The following MARCHF7 variants were observed in gnomAD, a reference collection of about 807,000 sequenced individuals.
MARCHF7 encodes the protein membrane associated ring-CH-type finger 7, also known as E3 ubiquitin-protein ligase MARCHF7.
Under a neutral mutation model 76.5 loss-of-function variants are expected in MARCHF7, and 20 were observed. The ratio of observed to expected loss-of-function variants is 0.26; its 90% confidence interval spans 0.18 to 0.38. MARCHF7 has a LOEUF of 0.38. Among genes scored for constraint, MARCHF7 ranks in the 10% least tolerant of loss-of-function variants. The pLI, the probability that MARCHF7 is intolerant of heterozygous loss-of-function variation, is 1.00. For missense variants in MARCHF7, 797 were observed against 812.9 expected (o/e 0.98, Z 0.24); for synonymous variants, 295 against 293.0 (o/e 1.01, Z -0.07).
chr2:159,732,969 ATACATG>A (rs1702995654), intron 4 of MARCHF7: 1 of 975,724 alleles, frequency 1.0e-6, no homozygotes, highest in Non-Finnish European at 1.2e-6. Flanking sequence ...GAAAGAAAGA[ATACATG>A]TGAAGCACTT....
chr2:159,757,248 T>C (rs1706445645), intron 8 of MARCHF7, among the ~76,000 whole-genome samples: 1 of 152,148 alleles, frequency 6.6e-6, no homozygotes, highest in Non-Finnish European at 1.5e-5. Context: ...ATATGGCCAA[T>C]TGAATGTATA....
chr2:159,739,935 A>T (rs1703931930), intron 4 of MARCHF7, among the ~76,000 whole-genome samples: 1 of 152,184 alleles, frequency 6.6e-6, no homozygotes, highest in Non-Finnish European at 1.5e-5. Context: ...AAGTCTTTGG[A>T]CACTTCAGCA....
At chr2:159,738,661 T>A (rs1703756292) in intron 4 of MARCHF7, among the ~76,000 whole-genome samples, 1 of 152,120 alleles carries the variant, frequency 6.6e-6, no homozygotes, top group Non-Finnish European at 1.5e-5. Context: ...GACATCTGGC[T>A]GAGTCAGATT....
chr2:159,743,021 G>A (rs1239200471), intron 4 of MARCHF7, 40 bp from the exon 5 acceptor site: 1 of 1,549,422 alleles, frequency 6.5e-7, no homozygotes, highest in East Asian at 2.3e-5. Context: ...AGTACTGAAT[G>A]CAGCCTTTTG....
chr2:159,720,975 A>C (rs893008900), intron 3 of MARCHF7, among the ~76,000 whole-genome samples: 13 of 151,494 alleles, frequency 8.6e-5, no homozygotes, highest in Admixed American at 7.2e-4. Context: ...CTCCTGCCTT[A>C]GTCTCCGGAT....
intron 2 of MARCHF7, among the ~76,000 whole-genome samples, chr2:159,715,379 G>C (rs1455886839): frequency 1.3e-5 from 2 of 151,896 alleles, no homozygotes; most frequent in East Asian, 3.8e-4. Context: ...ATAATTTTGT[G>C]TGTGTGAGTG....
intron 4 of MARCHF7, among the ~76,000 whole-genome samples, chr2:159,740,558 G>T (rs144003793): frequency 8.5e-4 from 130 of 152,188 alleles, no homozygotes; most frequent in African/African-American, 2.9e-3. Context: ...GCAGGATAAG[G>T]TCCCTGATAC....
chr2:159,743,885 T>A (rs185621896), intron 5 of MARCHF7, among the ~76,000 whole-genome samples: 40 of 150,744 alleles, frequency 2.7e-4, no homozygotes, highest in Non-Finnish European at 2.4e-4. Context: ...TGTAGCCTGG[T>A]AGACAGAGCA....
intron 3 of MARCHF7, among the ~76,000 whole-genome samples, chr2:159,718,486 G>A (rs1559988174): frequency 6.6e-6 from 1 of 152,068 alleles, no homozygotes; most frequent in Non-Finnish European, 1.5e-5. Flanking sequence ...ACAGATACCT[G>A]ATCAAGGCCA....
chr2:159,763,977 C>T (rs145809633), intron 10 of MARCHF7, among the ~76,000 whole-genome samples: 4 of 151,868 alleles, frequency 2.6e-5, no homozygotes, highest in African/African-American at 9.7e-5. Flanking sequence ...ACCTTAATAC[C>T]GTAAAATGAT....
chr2:159,731,213 A>G (rs954333018), intron 4 of MARCHF7, among the ~76,000 whole-genome samples: 1 of 152,066 alleles, frequency 6.6e-6, no homozygotes, highest in African/African-American at 2.4e-5. Flanking sequence ...TGTATCACCT[A>G]CTTTATCCAG....
In MARCHF7 at chr2:159,769,023, A is replaced by T. The variant is rs1366442013; in HGVS notation, c.*1681A>T. On this transcript the variant is annotated 3_prime_UTR_variant, in exon 12 of 12. Transcript: ENST00000409175. ...TTCCCTAGTACCACTTAGTATTTAA[A>T]TATTGTCATATTAGCTTCAGATTAT... The T allele has an allele frequency of 6.6e-6, 1 of 152,214 alleles. No homozygotes were observed. Among genetic ancestry groups the T allele is most frequent in the Non-Finnish European group, 1.5e-5 (1 of 68,026 alleles). The allele number at this position is 152,214 out of a possible 1,614,324, so 9.4% of individuals were successfully genotyped here.
At chr2:159,725,399 G>T (rs549702733) in intron 3 of MARCHF7, among the ~76,000 whole-genome samples, 1 of 152,082 alleles carries the variant, frequency 6.6e-6, no homozygotes, top group Non-Finnish European at 1.5e-5. Flanking sequence ...ATGGTGTCTC[G>T]TTGTGGTTTT....
At chr2:159,738,771 G>C (rs992162269) in intron 4 of MARCHF7, among the ~76,000 whole-genome samples, 13 of 152,198 alleles carry the variant, frequency 8.5e-5, no homozygotes, top group African/African-American at 2.9e-4. Flanking sequence ...CCGGTCCGTG[G>C]AACTGGCAGC....
Position 159,769,196 on chromosome 2 carries a change from A to G in MARCHF7, c.*1854A>G, listed in dbSNP as rs1247912850. 1 of 152,222 alleles carries G rather than the reference A, an allele frequency of 6.6e-6. No individual in the cohort carries two copies. The highest frequency in any genetic ancestry group is 2.4e-5 in the African/African-American group (1 of 41,466). The allele number at this position is 152,222 out of a possible 1,614,324, so 9.4% of individuals were successfully genotyped here. On this transcript the variant is annotated 3_prime_UTR_variant, in exon 12 of 12. Coordinates refer to ENST00000409175, the MANE Select transcript of MARCHF7 (RefSeq NM_001282805.2). ...TAAAATGTTATTCTGAATATCTGCC[A>G]AAGAATTATATTGTTATTACTAGCT...
Position 159,748,234 on chromosome 2 carries a change from AC to A in MARCHF7, c.945del (p.Tyr315Ter). On this transcript the variant is annotated frameshift_variant, in exon 7 of 12. Coordinates refer to ENST00000409175, the MANE Select transcript of MARCHF7 (RefSeq NM_001282805.2). LOFTEE classifies it high-confidence loss of function. Reference protein sequence around the residue: ...NTRSLNSENSYVSPRILTASQ... With the variant: ...NTRSLNSENSXVSPRILTASQ... ...AGATCATTGAATTCTGAAAATTCTT[AC>A]GTTTCTCCAAGAATCTTGACAGCTT... 6.2e-7 allele frequency: 1 copy of A among 1,613,862 alleles called. No homozygotes were observed. The highest frequency in any genetic ancestry group is 8.5e-7 in the Non-Finnish European group (1 of 1,180,000).
At chr2:159,735,840 T>C (rs1038409474) in intron 4 of MARCHF7, among the ~76,000 whole-genome samples, 6 of 152,204 alleles carry the variant, frequency 3.9e-5, no homozygotes, top group Admixed American at 2.6e-4. Context: ...TGGTATGTAC[T>C]AAGTGGAGCC....
At chr2:159,732,448 C>G (rs1702928615) in intron 4 of MARCHF7, among the ~76,000 whole-genome samples, 2 of 152,086 alleles carry the variant, frequency 1.3e-5, no homozygotes, top group Non-Finnish European at 2.9e-5. Context: ...ATAAGTCAAC[C>G]ATTTTTAGGC....
chr2:159,714,245 C>G (rs1008923652), intron 1 of MARCHF7, among the ~76,000 whole-genome samples: 3 of 152,178 alleles, frequency 2.0e-5, no homozygotes, highest in Non-Finnish European at 2.9e-5. Flanking sequence ...TGTCAAATAT[C>G]TTAAAACTTT....
Sources: gnomAD v4.1 joint callset for allele counts (sites outside exome capture counted in the v4.1 genomes callset) on GRCh38, gnomAD v4.1.1 for gene constraint, MANE v1.5 for transcripts, NCBI Gene and HGNC (gene_info 2026-07-23, HGNC 2026-07-21) for gene names.